MAGI1: variants seen among roughly 807,000 people sequenced by gnomAD.
MAGI1 encodes the protein membrane-associated guanylate kinase, WW and PDZ domain-containing protein 1.
MAGI1 carries 58 observed loss-of-function variants against 139.9 expected under a neutral mutation model. The ratio of observed to expected loss-of-function variants is 0.41; its 90% CI spans 0.34 to 0.52. The LOEUF (loss-of-function observed/expected upper bound fraction) is 0.52. Among genes scored for constraint, MAGI1 ranks in the 20% least tolerant of loss-of-function variants. The pLI, the probability that MAGI1 is intolerant of heterozygous loss-of-function variation, is 0.12. For synonymous variants in MAGI1, 812 were observed against 737.9 expected, an observed-to-expected ratio of 1.10 and a Z score of -1.63; for missense variants, 1,874 against 1,901.6, an observed-to-expected ratio of 0.99 and a Z score of 0.27.
chr3:65,819,206 C>A (rs552142920), intron 1 of MAGI1, among the ~76,000 whole-genome samples: 3 of 152,112 alleles, frequency 2.0e-5, no homozygotes, highest in Non-Finnish European at 4.4e-5. Context: ...ATCACTTGAA[C>A]CTGGGAGGCG....
intron 13 of MAGI1, among the ~76,000 whole-genome samples, chr3:65,401,228 C>T (rs1295471146): frequency 6.6e-6 from 1 of 152,126 alleles, no homozygotes; most frequent in Non-Finnish European, 1.5e-5. Flanking sequence ...GCAGCCTGCC[C>T]ACAAATCACT....
chr3:65,595,970 A>C (rs777467217), intron 2 of MAGI1, among the ~76,000 whole-genome samples: 1 of 152,190 alleles, frequency 6.6e-6, no homozygotes, highest in Admixed American at 6.5e-5. Context: ...GGAGGAATCG[A>C]GTCTCTGTTG....
At chr3:65,414,696 A>T (rs878980488) in intron 12 of MAGI1, among the ~76,000 whole-genome samples, 2 of 152,152 alleles carry the variant, frequency 1.3e-5, no homozygotes, top group African/African-American at 4.8e-5. Context: ...GTGAACTAAG[A>T]ACATTAAAAA....
intron 12 of MAGI1, among the ~76,000 whole-genome samples, chr3:65,414,275 A>AT (rs1946021179): frequency 1.3e-5 from 2 of 152,290 alleles, no homozygotes; most frequent in South Asian, 4.1e-4. Flanking sequence ...GGTTCACCCC[A>AT]TTTTTGTCTT....
chr3:65,478,811 G>A lies in MAGI1; in HGVS notation c.551-13C>T. The A allele has an allele frequency of 2.5e-6, 4 of 1,594,334 alleles. No individual in the cohort carries two copies. The highest frequency in any genetic ancestry group is 3.4e-6 in the Non-Finnish European group (4 of 1,162,478). On this transcript the variant is annotated splice_polypyrimidine_tract_variant and intron_variant, in intron 3 of 22. Coordinates refer to ENST00000402939, the MANE Select transcript of MAGI1 (RefSeq NM_001033057.2). Reference sequence around the variant, plus strand: ...CCATAATAGTTTCCTAGGTGATGGAGAGACACATTTGCATGTTTCAAAAGG... The same window carrying A: ...CCATAATAGTTTCCTAGGTGATGGAAAGACACATTTGCATGTTTCAAAAGG...
chr3:65,924,783 C>G (rs1296010613), intron 1 of MAGI1: 2 of 152,416 alleles, frequency 1.3e-5, no homozygotes, highest in African/African-American at 2.4e-5. Context: ...CCATGCCTAC[C>G]TCATAAGACT....
rs564591215 is a variant in MAGI1, at chr3:65,391,302, G to A, written c.2256C>T (p.His752=). The A allele has an allele frequency of 6.8e-6, 11 of 1,614,084 alleles. No homozygotes were observed. The highest frequency in any genetic ancestry group is 9.3e-6 in the Non-Finnish European group (11 of 1,180,056). The change falls in exon 14 of 23, where the codon CAC becomes CAT. Residue 752 remains histidine, a synonymous_variant. Transcript: ENST00000402939. ...TTGGGGATGCTGTGTGCAGGCTTCG[G>A]TGGCTGGAAACACTGTGCTGAGAAC... ...QNSSQHSVSS[H]RSLHTASPSH...
chr3:65,731,123 A>T (rs970010187), intron 1 of MAGI1, among the ~76,000 whole-genome samples: 1 of 152,186 alleles, frequency 6.6e-6, no homozygotes, highest in African/African-American at 2.4e-5. Context: ...TAAAACATAT[A>T]ACCCATACCC....
intron 2 of MAGI1, among the ~76,000 whole-genome samples, chr3:65,581,924 GCCAGGA>G (rs2081443181): frequency 6.6e-6 from 1 of 152,028 alleles, no homozygotes; most frequent in Non-Finnish European, 1.5e-5. Flanking sequence ...TTAGAAAAGT[GCCAGGA>G]ACATAGTAGA....
chr3:65,777,578 G>A (rs917683924), intron 1 of MAGI1, among the ~76,000 whole-genome samples: 2 of 147,870 alleles, frequency 1.4e-5, no homozygotes, highest in African/African-American at 2.5e-5. Context: ...GGTTGAGGCT[G>A]CAGTGAGCCA....
At chr3:65,361,394 A>G in intron 21 of MAGI1, 57 bp from the exon 22 acceptor site, 2 of 1,579,092 alleles carry the variant, frequency 1.3e-6, no homozygotes, top group South Asian at 1.1e-5. Context: ...GATTCACCAA[A>G]TGTTTATTAA....
chr3:65,735,973 C>T (rs2034690341), intron 1 of MAGI1, among the ~76,000 whole-genome samples: 1 of 152,200 alleles, frequency 6.6e-6, no homozygotes, highest in African/African-American at 2.4e-5. Context: ...CAAAGTTCTA[C>T]TCCCAGTGAG....
intron 1 of MAGI1, among the ~76,000 whole-genome samples, chr3:65,722,854 C>T (rs2033192244): frequency 6.6e-6 from 1 of 152,018 alleles, no homozygotes; most frequent in Admixed American, 6.6e-5. Context: ...GAGTTTCCAG[C>T]CACTTCTGTT....
intron 12 of MAGI1, among the ~76,000 whole-genome samples, chr3:65,422,623 G>A (rs769941229): frequency 6.6e-6 from 1 of 152,176 alleles, no homozygotes; most frequent in East Asian, 1.9e-4. Flanking sequence ...GGATAAAGTA[G>A]TGATTGCAAC....
At chr3:65,904,862 G>A (rs1042616246) in intron 1 of MAGI1, among the ~76,000 whole-genome samples, 2 of 152,156 alleles carry the variant, frequency 1.3e-5, no homozygotes, top group East Asian at 1.9e-4. Flanking sequence ...ACATAAGGTG[G>A]TGACTGCCTC....
intron 17 of MAGI1, among the ~76,000 whole-genome samples, chr3:65,378,722 C>T (rs1397157102): frequency 6.6e-6 from 1 of 151,224 alleles, no homozygotes; most frequent in Non-Finnish European, 1.5e-5. Context: ...CGCTGTGTCA[C>T]CCAGGCTGGA....
At chr3:65,421,317 C>G (rs182790565) in intron 12 of MAGI1, among the ~76,000 whole-genome samples, 27 of 152,288 alleles carry the variant, frequency 1.8e-4, no homozygotes, top group African/African-American at 6.3e-4. Context: ...GGTGGAAGTG[C>G]TAGAAAATTT....
At chr3:65,409,552 A>G (rs752981325) in intron 12 of MAGI1, among the ~76,000 whole-genome samples, 8 of 152,192 alleles carry the variant, frequency 5.3e-5, no homozygotes, top group Non-Finnish European at 8.8e-5. Flanking sequence ...ATTTTCACTG[A>G]AGGACTTTAT....
At chr3:65,530,633 GT>G (rs2078611330) in intron 2 of MAGI1, among the ~76,000 whole-genome samples, 1 of 15,730 alleles carries the variant, frequency 6.4e-5, no homozygotes, top group African/African-American at 1.4e-4. Context: ...TGGTGTGTGT[GT>G]GTGTGTGTGT....
Sources: allele counts gnomAD v4.1 joint callset (sites outside exome capture counted in the v4.1 genomes callset), GRCh38; gene constraint gnomAD v4.1.1; transcripts MANE v1.5; gene names NCBI Gene and HGNC (gene_info 2026-07-23, HGNC 2026-07-21).